The following MGAT3 variants were observed in gnomAD, a reference collection of about 807,000 sequenced individuals.
MGAT3 encodes GlcNAc-T III.
Under a neutral mutation model 29.8 loss-of-function variants are expected in MGAT3, and 9 were observed. That is an observed-to-expected ratio of 0.30 (90% CI 0.18 to 0.53). MGAT3 has a LOEUF of 0.53. MGAT3 is among the 20% of genes least tolerant of loss of function. The pLI, the probability that MGAT3 is intolerant of heterozygous loss-of-function variation, is 0.96. For synonymous variants in MGAT3, 397 were observed against 348.9 expected, an observed-to-expected ratio of 1.14 and a Z score of -1.54; for missense variants, 557 against 769.5, an observed-to-expected ratio of 0.72 and a Z score of 3.27.
At chr22:39,481,445 A>C (rs1311728672) in intron 1 of MGAT3, among the ~76,000 whole-genome samples, 1 of 152,166 alleles carries the variant, frequency 6.6e-6, no homozygotes, top group Admixed American at 6.5e-5. Context: ...TTGGGTGCTG[A>C]GCAGGTTCCC....
rs1929467096 is a variant in MGAT3, at chr22:39,492,085, G to A, written c.*3136G>A. On this transcript the variant is annotated 3_prime_UTR_variant, in exon 2 of 2. Coordinates refer to ENST00000341184, the MANE Select transcript of MGAT3 (RefSeq NM_002409.5). ...TTTTTTTGTAAGGGAAAATCAATAT[G>A]TACATTCTGAAATCATTTTCTCTGT... 6.0e-6 allele frequency: 1 copy of A among 167,174 alleles called. No individual in the cohort carries two copies. The highest frequency in any genetic ancestry group is 2.4e-5 in the African/African-American group (1 of 41,416). 10.4% of individuals were successfully genotyped at this position (167,174 alleles called of 1,614,324 possible). A position where few individuals can be genotyped will look rare whatever the true frequency, so the allele number is the denominator to read the frequency against.
Position 39,489,059 on chromosome 22 carries a change from TG to T in MGAT3, c.*114del. On this transcript the variant is annotated 3_prime_UTR_variant, in exon 2 of 2. Coordinates refer to ENST00000341184, the MANE Select transcript of MGAT3 (RefSeq NM_002409.5). ...GGTTCTTGAGGGGACCAGGAGTGGG[TG>T]GGGAGTGGGGGTGGGGGTAGGGTTT... 2.3e-6 allele frequency: 1 copy of T among 431,770 alleles called. No homozygotes were observed. The highest frequency in any genetic ancestry group is 3.8e-6 in the Non-Finnish European group (1 of 259,918). 26.7% of individuals were successfully genotyped at this position (431,770 alleles called of 1,614,324 possible).
chr22:39,466,829 C>A (rs936559132), intron 1 of MGAT3, among the ~76,000 whole-genome samples: 1 of 152,238 alleles, frequency 6.6e-6, no homozygotes, highest in Non-Finnish European at 1.5e-5. Flanking sequence ...CTAGTGGTAG[C>A]GTTATTTGTC....
At position 39,489,246 on chromosome 22, in the gene MGAT3, G is replaced by A. The variant is rs1929385211; in HGVS notation, c.*297G>A. The A allele has an allele frequency of 1.3e-5, 6 of 458,498 alleles. No homozygotes were observed. In the South Asian group the frequency reaches 1.8e-4, roughly 14 times the overall value. The allele number at this position is 458,498 out of a possible 1,614,324, so 28.4% of individuals were successfully genotyped here. A position where few individuals can be genotyped will look rare whatever the true frequency, so the allele number is the denominator to read the frequency against. The stretch of plus-strand genomic sequence containing the variant: ...CTGGAGTGTGCGTGGTGGTCCCTGG[G>A]TAGCGGGGGAGGGTAGGCAGGATTG... On this transcript the variant is annotated 3_prime_UTR_variant, in exon 2 of 2. Coordinates refer to ENST00000341184, the MANE Select transcript of MGAT3 (RefSeq NM_002409.5).
chr22:39,489,962 T>G lies in MGAT3; in HGVS notation c.*1013T>G, dbSNP rs1397285431. 3.6e-5 allele frequency: 6 copies of G among 167,386 alleles called. No individual in the cohort carries two copies. The highest frequency in any genetic ancestry group is 1.5e-5 in the Non-Finnish European group (1 of 68,226). The allele number at this position is 167,386 out of a possible 1,614,324, so 10.4% of individuals were successfully genotyped here. A position where few individuals can be genotyped will look rare whatever the true frequency, so the allele number is the denominator to read the frequency against. On this transcript the variant is annotated 3_prime_UTR_variant, in exon 2 of 2. Coordinates refer to ENST00000341184, the MANE Select transcript of MGAT3 (RefSeq NM_002409.5). ...CCAGAAAGGGGCCATGAGGCTGTCT[T>G]GGGCCCAAAAAGGGACAATAAGGCC...
intron 1 of MGAT3, among the ~76,000 whole-genome samples, chr22:39,463,242 G>A (rs2145709383): frequency 6.6e-6 from 1 of 152,372 alleles, no homozygotes; most frequent in South Asian, 2.1e-4. Context: ...TGAGAGGCAA[G>A]CACTATTATC....
chr22:39,466,503 C>A (rs956279278), intron 1 of MGAT3, among the ~76,000 whole-genome samples: 12 of 152,224 alleles, frequency 7.9e-5, no homozygotes, highest in African/African-American at 2.7e-4. Context: ...CCCCCATGCT[C>A]CAGCCTCTTG....
rs1293961649 is a variant in MGAT3 at position 39,488,046 on chromosome 22, C to G, written c.699C>G (p.Asp233Glu). 1 of 1,613,258 alleles carries G rather than the reference C, an allele frequency of 6.2e-7. No individual in the cohort carries two copies. Among genetic ancestry groups the G allele is most frequent in the African/African-American group, 1.3e-5 (1 of 75,052 alleles). ...TCCACGAGCTGGGCGACGTGGTGGA[C>G]GCCTTTGTGGTGTGCGAGTCCAACT... ...VRFHELGDVV[D>E]AFVVCESNFT... Residue 233 changes from aspartate (D) to glutamate (E), a missense_variant, in exon 2 of 2, where the codon GAC becomes GAG. Physicochemically the swap from Asp to Glu is conservative, Grantham distance 45. Around this residue, in one of 3 missense-constraint regions of MGAT3, gnomAD observed 243 missense variants for 444.0 expected, o/e 0.55. Transcript: ENST00000341184.
chr22:39,485,989 G>A (rs1929259692), intron 1 of MGAT3, among the ~76,000 whole-genome samples: 1 of 151,938 alleles, frequency 6.6e-6, no homozygotes, highest in Non-Finnish European at 1.5e-5. Context: ...AAAAGGAACT[G>A]GTACATTTAT....
chr22:39,489,572 C>G lies in MGAT3; in HGVS notation c.*623C>G, dbSNP rs1168129966. On this transcript the variant is annotated 3_prime_UTR_variant, in exon 2 of 2. Coordinates refer to ENST00000341184, the MANE Select transcript of MGAT3 (RefSeq NM_002409.5). ...CACCCCCTGCCGCAAAGGACAGGAC[C>G]TGGCTGCCCTGGGATGCTGGTGCCT... The G allele has an allele frequency of 5.9e-6, 1 of 168,596 alleles. No individual in the cohort carries two copies. The highest frequency in any genetic ancestry group is 6.5e-5 in the Admixed American group (1 of 15,414). The allele number at this position is 168,596 out of a possible 1,614,324, so 10.4% of individuals were successfully genotyped here. A position where few individuals can be genotyped will look rare whatever the true frequency, so the allele number is the denominator to read the frequency against.
intron 1 of MGAT3, among the ~76,000 whole-genome samples, chr22:39,474,059 A>T (rs1928884866): frequency 6.6e-6 from 1 of 152,066 alleles, no homozygotes; most frequent in South Asian, 2.1e-4. Context: ...CGCACTGTCC[A>T]GGGTGACCCG....
At chr22:39,484,350 A>T (rs1391051251) in intron 1 of MGAT3, among the ~76,000 whole-genome samples, 1 of 152,044 alleles carries the variant, frequency 6.6e-6, no homozygotes, top group Admixed American at 6.6e-5. Context: ...CAGAATGATT[A>T]GGAGCCTTGT....
Position 39,488,318 on chromosome 22 carries a change from G to A in MGAT3, c.971G>A (p.Arg324His), listed in dbSNP as rs747893252. The A allele has an allele frequency of 3.7e-6, 6 of 1,611,844 alleles. No individual in the cohort carries two copies. In the African/African-American group the frequency reaches 8.0e-5, roughly 22 times the overall value. The change falls in exon 2 of 2, where the codon CGT becomes CAT. Residue 324 changes from arginine to histidine, a missense_variant. Physicochemically the swap from Arg to His is conservative, Grantham distance 29 (BLOSUM62 0). This residue lies in a region of MGAT3 where 243 missense variants were observed against 444.0 expected (regional missense o/e 0.55). Transcript: ENST00000341184. ...IIDDADEIPARDGVLFLKLYD... is the reference protein window; with the variant it reads ...IIDDADEIPAHDGVLFLKLYD... ...GACGATGCGGACGAGATCCCGGCCC[G>A]TGACGGCGTCCTTTTCCTCAAGCTC...
chr22:39,476,750 C>G (rs900417597), intron 1 of MGAT3: 1 of 152,158 alleles, frequency 6.6e-6, no homozygotes, highest in Non-Finnish European at 1.5e-5. Context: ...GTCACTTAAC[C>G]TCTTGAGGCC....
intron 1 of MGAT3, among the ~76,000 whole-genome samples, chr22:39,475,127 G>GTTTTTTTTTTTTTTT (rs1928916246): frequency 8.8e-6 from 1 of 113,108 alleles, no homozygotes; most frequent in African/African-American, 4.7e-5. Context: ...GGCTTGCCAG[G>GTTTTTTTTTTTTTTT]CTTTTTTTTT....
intron 1 of MGAT3, among the ~76,000 whole-genome samples, chr22:39,465,641 G>A (rs1928621633): frequency 1.3e-5 from 2 of 152,106 alleles, no homozygotes; most frequent in South Asian, 4.1e-4. Context: ...CGTGGCCCAT[G>A]GTTCCTGAGA....
At chr22:39,481,098 C>T (rs1043953159) in intron 1 of MGAT3, among the ~76,000 whole-genome samples, 5 of 152,262 alleles carry the variant, frequency 3.3e-5, no homozygotes, top group South Asian at 2.1e-4. Context: ...TGCCTCCAGG[C>T]CCTGTGATCT....
rs1488088058 is a variant in MGAT3, at chr22:39,490,487, G to C, written c.*1538G>C. 6.0e-6 allele frequency: 1 copy of C among 167,262 alleles called. No homozygotes were observed. Among genetic ancestry groups the C allele is most frequent in the Non-Finnish European group, 1.5e-5 (1 of 68,192 alleles). The allele number at this position is 167,262 out of a possible 1,614,324, so 10.4% of individuals were successfully genotyped here. ...GGGACCAGTAGCATCTCTGGGAGAGGGGGAGGGAGCAGCAATAACTCAGTC... is the reference window on the plus strand; with the variant it reads ...GGGACCAGTAGCATCTCTGGGAGAGCGGGAGGGAGCAGCAATAACTCAGTC... On this transcript the variant is annotated 3_prime_UTR_variant, in exon 2 of 2. Transcript: ENST00000341184.
chr22:39,461,390 G>A (rs563259235), intron 1 of MGAT3, among the ~76,000 whole-genome samples: 1 of 152,198 alleles, frequency 6.6e-6, no homozygotes, highest in South Asian at 2.1e-4. Context: ...TTGAGGGAAC[G>A]GAGAGCTTCT....
Sources: allele counts gnomAD v4.1 joint callset (sites outside exome capture counted in the v4.1 genomes callset), GRCh38; gene constraint gnomAD v4.1.1; regional missense constraint gnomAD v4.1.1; transcripts MANE v1.5; gene names NCBI Gene and HGNC (gene_info 2026-07-23, HGNC 2026-07-21).